PREX1: variants seen among roughly 807,000 people sequenced by gnomAD.
PREX1 encodes the protein phosphatidylinositol-3,4,5-trisphosphate dependent Rac exchange factor 1.
In PREX1, 41 loss-of-function variants were observed where a neutral mutation model predicts 198.3. The observed-to-expected ratio is 0.21, with a 90% CI of 0.16 to 0.27. The LOEUF is 0.27. PREX1 is among the 10% of genes least tolerant of loss of function. The probability of loss-of-function intolerance (pLI) is 1.00; values close to 1 mark genes in which losing one functional copy is unlikely to be tolerated. For missense variants in PREX1, 1,620 were observed against 2,200.7 expected (o/e 0.74, Z 5.28); for synonymous variants, 843 against 887.2 (o/e 0.95, Z 0.89).
At position 48,666,175 on chromosome 20, in the gene PREX1, G is replaced by A. The variant is rs922621161; in HGVS notation, c.1738+108C>T. ...GATTCGTGAGCCTCCCCAAACCCCC[G>A]GGGGTCTAGAGAGCCACAGACCTGG... is the stretch of plus-strand genomic sequence containing the variant. On this transcript the variant is annotated intron_variant, in intron 15 of 39. Transcript: ENST00000371941. The surrounding 1 kb of genome is among the most constrained non-coding windows in gnomAD (Gnocchi z 4.3). 43 of 1,151,710 alleles carry A rather than the reference G, an allele frequency of 3.7e-5. No individual in the cohort carries two copies. The highest frequency in any genetic ancestry group is 5.2e-5 in the East Asian group (2 of 38,204). 71.3% of individuals were successfully genotyped at this position (1,151,710 alleles called of 1,614,324 possible).
chr20:48,632,066 C>T (rs2089318382), intron 35 of PREX1, among the ~76,000 whole-genome samples: 1 of 152,236 alleles, frequency 6.6e-6, no homozygotes, highest in African/African-American at 2.4e-5. Flanking sequence ...ACTTTCTGGG[C>T]CTCAGTCGCC....
chr20:48,685,748 A>G (rs2089780115), intron 10 of PREX1, among the ~76,000 whole-genome samples: 1 of 152,186 alleles, frequency 6.6e-6, no homozygotes, highest in Admixed American at 6.6e-5. Context: ...AAAATTAGCT[A>G]TAGAAGCCTA....
chr20:48,679,587 C>T, intron 12 of PREX1, 64 bp downstream of exon 12: 7 of 1,498,066 alleles, frequency 4.7e-6, no homozygotes, highest in South Asian at 1.1e-5. Flanking sequence ...TGCTCTGAGG[C>T]GAACCCAGGG....
rs1443680965 is a variant in PREX1, at chr20:48,624,344, A to G, written c.*1541T>C. ...ACATTTTAAAGTAAACCAGTGCACA[A>G]TGCGCTGGCCCTGGGCCCTCCCCCA... On this transcript the variant is annotated 3_prime_UTR_variant, in exon 40 of 40. Transcript: ENST00000371941. 1 of 152,702 alleles carries G rather than the reference A, an allele frequency of 6.5e-6. No homozygotes were observed. The highest frequency in any genetic ancestry group is 1.5e-5 in the Non-Finnish European group (1 of 68,052). The allele number at this position is 152,702 out of a possible 1,614,324, so 9.5% of individuals were successfully genotyped here.
intron 1 of PREX1, among the ~76,000 whole-genome samples, chr20:48,777,332 T>C (rs1337787770): frequency 6.6e-6 from 1 of 152,022 alleles, no homozygotes; most frequent in Non-Finnish European, 1.5e-5. Context: ...ACCACCATTC[T>C]CTTGAGGGTA....
intron 4 of PREX1, among the ~76,000 whole-genome samples, chr20:48,733,892 A>G (rs917657737): frequency 6.6e-6 from 1 of 152,094 alleles, no homozygotes; most frequent in Non-Finnish European, 1.5e-5. Flanking sequence ...CTGGGACTAG[A>G]GGCACATGCC....
At chr20:48,678,956 G>A (rs1021630516) in intron 13 of PREX1, among the ~76,000 whole-genome samples, 4 of 152,210 alleles carry the variant, frequency 2.6e-5, no homozygotes, top group Non-Finnish European at 4.4e-5. Context: ...AAGGAAGTGA[G>A]GGAACGAATA....
the PREX1 span, among the ~76,000 whole-genome samples, chr20:48,882,501 CAAAAAAAAAAAA>C: frequency 1.5e-5 from 1 of 66,852 alleles, no homozygotes; most frequent in Non-Finnish European, 2.6e-5. Flanking sequence ...GACTCCGTCT[CAAAAAAAAAAAA>C]AAAAAAAAAA....
intron 6 of PREX1, among the ~76,000 whole-genome samples, chr20:48,706,595 C>T (rs1194139147): frequency 1.3e-5 from 2 of 152,142 alleles, no homozygotes; most frequent in Non-Finnish European, 2.9e-5. Context: ...CCCCTGTCTC[C>T]TCCGGTTTTG....
chr20:48,827,787 G>C lies in PREX1; in HGVS notation c.74C>G (p.Pro25Arg), dbSNP rs2090516608. 8.9e-7 allele frequency: 1 copy of C among 1,118,696 alleles called. No homozygotes were observed. Among genetic ancestry groups the C allele is most frequent in the Admixed American group, 5.1e-5 (1 of 19,420 alleles). 69.3% of individuals were successfully genotyped at this position (1,118,696 alleles called of 1,614,324 possible). The change falls in exon 1 of 40, where the codon CCT (proline) becomes CGT (arginine). Residue 25 changes from proline (P) to arginine (R), a missense_variant. Transcript: ENST00000371941. The surrounding 1 kb of genome is among the most constrained non-coding windows in gnomAD (Gnocchi z 4.1). Reference protein sequence around the residue: ...GDCAHPDPRAPGAAAPSSGPG... With the variant: ...GDCAHPDPRARGAAAPSSGPG... ...GCCGGAGCTGGGCGCCGCGGCGCCA[G>C]GGGCCCGGGGGTCCGGGTGGGCGCA...
At chr20:48,772,854 C>A (rs1254288042) in intron 1 of PREX1, among the ~76,000 whole-genome samples, 1 of 152,160 alleles carries the variant, frequency 6.6e-6, no homozygotes, top group East Asian at 1.9e-4. Context: ...CGTTCGCCGA[C>A]CTCAGTTTTA....
At chr20:48,777,070 G>C (rs561770604) in intron 1 of PREX1, among the ~76,000 whole-genome samples, 1 of 152,154 alleles carries the variant, frequency 6.6e-6, no homozygotes, top group Non-Finnish European at 1.5e-5. Context: ...AGTTGCTGTT[G>C]TTTATTGGCA....
At chr20:48,803,281 AG>A (rs35687573) in intron 1 of PREX1, among the ~76,000 whole-genome samples, 2 of 152,242 alleles carry the variant, frequency 1.3e-5, no homozygotes, top group Admixed American at 1.3e-4. Flanking sequence ...AGGCCCATCC[AG>A]GGACCCCAAG....
At chr20:48,700,714 C>G (rs756445509) in intron 7 of PREX1, 39 bp downstream of exon 7, 2 of 1,609,354 alleles carry the variant, frequency 1.2e-6, no homozygotes, top group South Asian at 1.1e-5. Context: ...CTGGAGAAGG[C>G]AGCAGGCCAG....
chr20:48,764,781 CAAAAAAA>C (rs1182093484), intron 1 of PREX1, among the ~76,000 whole-genome samples: 1 of 81,166 alleles, frequency 1.2e-5, no homozygotes, highest in Non-Finnish European at 2.7e-5. Context: ...GACTCTTTCT[CAAAAAAA>C]AAAAAAAAAG....
rs182541788 is a variant in PREX1 at position 48,700,227 on chromosome 20, G to A, written c.917+526C>T. On this transcript the variant is annotated intron_variant, in intron 7 of 39. Coordinates refer to ENST00000371941, the MANE Select transcript of PREX1 (RefSeq NM_020820.4). ...GCTCCTCTTGAACCCTCAACTTTTA[G>A]AGCTTAGAATTACAGGATGTGGGTG... Among the ~76,000 whole-genome samples, 244 of 152,338 alleles carry A rather than the reference G, an allele frequency of 1.6e-3. 1 individual carries two copies. Among genetic ancestry groups the A allele is most frequent in the African/African-American group, 5.3e-3 (219 of 41,578 alleles).
rs183146510 is a variant in PREX1 at position 48,803,047 on chromosome 20, G to A, written c.219+24595C>T. Among the ~76,000 whole-genome samples, 574 of 152,312 alleles carry A rather than the reference G, an allele frequency of 3.8e-3. 2 individuals carry two copies. Among genetic ancestry groups the A allele is most frequent in the Non-Finnish European group, 6.7e-3 (456 of 68,024 alleles). On this transcript the variant is annotated intron_variant, in intron 1 of 39. Coordinates refer to ENST00000371941, the MANE Select transcript of PREX1 (RefSeq NM_020820.4). ...ATGCGGCATCTCAGGCCCTACTCCA[G>A]ACCTGCTGATCCAAAATCTGCATTG...
chr20:48,651,718 G>A (rs1351709445), intron 21 of PREX1, 135 bp from the exon 22 acceptor site: 11 of 813,408 alleles, frequency 1.4e-5, no homozygotes, highest in East Asian at 5.4e-5. Flanking sequence ...AGTACATTCC[G>A]CCAGAGTAGA....
intron 1 of PREX1, among the ~76,000 whole-genome samples, chr20:48,798,790 C>T (rs2090373815): frequency 6.6e-6 from 1 of 152,220 alleles, no homozygotes; most frequent in Non-Finnish European, 1.5e-5. Context: ...TTATATTCAC[C>T]TGACTAAATT....
Sources: gnomAD v4.1 joint callset for allele counts (sites outside exome capture counted in the v4.1 genomes callset) on GRCh38, gnomAD v4.1.1 for gene constraint, Gnocchi (gnomAD v3.1) non-coding constraint, MANE v1.5 for transcripts, NCBI Gene and HGNC (gene_info 2026-07-23, HGNC 2026-07-21) for gene names.